WDR7: variants seen among roughly 807,000 people sequenced by gnomAD.
WDR7 encodes the protein WD repeat domain 7.
Under a neutral mutation model 169.4 loss-of-function variants are expected in WDR7, and 46 were observed. The observed-to-expected ratio is 0.27, with a 90% CI of 0.21 to 0.35. The LOEUF (loss-of-function observed/expected upper bound fraction) is 0.35, where lower values mean the gene tolerates loss of function less well. WDR7 is among the 10% of genes least tolerant of loss of function. The pLI, the probability that WDR7 is intolerant of heterozygous loss-of-function variation, is 1.00. For synonymous variants in WDR7, 612 were observed against 666.8 expected, an observed-to-expected ratio of 0.92 and a Z score of 1.27; for missense variants, 1,534 against 1,859.3, an observed-to-expected ratio of 0.83 and a Z score of 3.22.
chr18:56,903,184 G>T (rs1013572451), intron 21 of WDR7, among the ~76,000 whole-genome samples: 1 of 152,008 alleles, frequency 6.6e-6, no homozygotes, highest in Non-Finnish European at 1.5e-5. Context: ...TTGAGGTTTT[G>T]CATCTTTTAT....
intron 13 of WDR7, among the ~76,000 whole-genome samples, chr18:56,723,762 T>C (rs193293628): frequency 4.6e-4 from 70 of 152,242 alleles, no homozygotes; most frequent in Middle Eastern, 6.8e-3. Context: ...CCATAATTTA[T>C]TCAAATATAT....
chr18:56,830,177 AGTTGCGTTGATTTT>A (rs1177914479), intron 20 of WDR7, among the ~76,000 whole-genome samples: 8 of 152,164 alleles, frequency 5.3e-5, no homozygotes, highest in Non-Finnish European at 1.0e-4. Context: ...ACAGTGTTTC[AGTTGCGTTGATTTT>A]GTTGCCCTTC....
chr18:56,725,061 C>T (rs892895366), intron 13 of WDR7, among the ~76,000 whole-genome samples: 6 of 151,214 alleles, frequency 4.0e-5, no homozygotes, highest in African/African-American at 1.5e-4. Context: ...CATTGTTGGA[C>T]ATTTGAGTTG....
At chr18:56,949,869 C>A (rs544968658) in intron 25 of WDR7, among the ~76,000 whole-genome samples, 2 of 152,202 alleles carry the variant, frequency 1.3e-5, no homozygotes, top group African/African-American at 4.8e-5. Flanking sequence ...AGCACATTTG[C>A]TAATATTACT....
intron 26 of WDR7, among the ~76,000 whole-genome samples, chr18:57,010,534 G>C (rs763326232): frequency 1.6e-5 from 2 of 126,576 alleles, no homozygotes; most frequent in Admixed American, 9.2e-5. Context: ...ACATACTGCT[G>C]TCATTTTATT....
intron 9 of WDR7, among the ~76,000 whole-genome samples, chr18:56,692,701 T>C (rs1261735715): frequency 6.6e-6 from 1 of 151,918 alleles, no homozygotes; most frequent in Non-Finnish European, 1.5e-5. Flanking sequence ...GTATAAAAAA[T>C]ATACATAAGC....
At chr18:56,725,181 G>T (rs922162886) in intron 13 of WDR7, among the ~76,000 whole-genome samples, 5 of 150,658 alleles carry the variant, frequency 3.3e-5, no homozygotes, top group Admixed American at 2.6e-4. Context: ...TAATGGGATG[G>T]CTGGGTCAAA....
At chr18:56,883,498 TG>T (rs1599127591) in intron 21 of WDR7, among the ~76,000 whole-genome samples, 1 of 151,724 alleles carries the variant, frequency 6.6e-6, no homozygotes, top group Non-Finnish European at 1.5e-5. Context: ...CTCTCAGTCT[TG>T]TTTTTTTGTT....
chr18:57,032,801 T>TTATTTATA (rs1210749361), downstream of WDR7: 25 of 106,170 alleles, frequency 2.4e-4, no homozygotes, highest in African/African-American at 7.7e-4. Context: ...TATAATTATT[T>TTATTTATA]TATATATATA....
chr18:56,773,366 C>A (rs983640749), intron 16 of WDR7, among the ~76,000 whole-genome samples: 2 of 150,566 alleles, frequency 1.3e-5, no homozygotes, highest in African/African-American at 2.4e-5. Context: ...TCATTCATTA[C>A]TAATGTATTT....
At chr18:56,849,620 G>T (rs1390066267) in intron 20 of WDR7, among the ~76,000 whole-genome samples, 1 of 152,134 alleles carries the variant, frequency 6.6e-6, no homozygotes, top group East Asian at 1.9e-4. Flanking sequence ...TTGATTTGTA[G>T]TCTCTGATGT....
chr18:56,837,452 T>C (rs1000128908), intron 20 of WDR7, among the ~76,000 whole-genome samples: 1 of 152,226 alleles, frequency 6.6e-6, no homozygotes, highest in Non-Finnish European at 1.5e-5. Context: ...TTTGCTATTG[T>C]AAAATTTTAA....
chr18:56,900,371 TGAAGGGAGATGGAGAG>T (rs913890559), intron 21 of WDR7, among the ~76,000 whole-genome samples: 19 of 152,012 alleles, frequency 1.2e-4, no homozygotes, highest in Admixed American at 5.2e-4. Flanking sequence ...CATTCATTCT[TGAAGGGAGATGGAGAG>T]GAAGGGAGGT....
At chr18:56,735,207 G>T (rs1599001876) in intron 14 of WDR7, among the ~76,000 whole-genome samples, 1 of 152,126 alleles carries the variant, frequency 6.6e-6, no homozygotes, top group Non-Finnish European at 1.5e-5. Flanking sequence ...ATGTGGAAAA[G>T]GGGATGGTTA....
chr18:56,805,042 C>T (rs1276425118), intron 19 of WDR7, among the ~76,000 whole-genome samples: 1 of 152,112 alleles, frequency 6.6e-6, no homozygotes, highest in Non-Finnish European at 1.5e-5. Context: ...ACACTGAGGG[C>T]AGACCTTCCC....
chr18:56,809,564 A>T, intron 19 of WDR7, among the ~76,000 whole-genome samples: 1 of 152,072 alleles, frequency 6.6e-6, no homozygotes, highest in Non-Finnish European at 1.5e-5. Flanking sequence ...ATACCCTGAA[A>T]TTTCCATAAA....
intron 1 of WDR7, among the ~76,000 whole-genome samples, chr18:56,657,862 G>A (rs560668602): frequency 6.6e-6 from 1 of 151,748 alleles, no homozygotes; most frequent in South Asian, 2.1e-4. Flanking sequence ...CATTCATGAA[G>A]TATTTACTAT....
At chr18:56,850,399 G>A (rs559741659) in intron 20 of WDR7, among the ~76,000 whole-genome samples, 1 of 152,328 alleles carries the variant, frequency 6.6e-6, no homozygotes, top group South Asian at 2.1e-4. Flanking sequence ...ATATTGGTTA[G>A]ATGATTGAAT....
intron 26 of WDR7, among the ~76,000 whole-genome samples, chr18:57,018,719 G>A (rs1437855497): frequency 6.6e-6 from 1 of 152,220 alleles, no homozygotes; most frequent in Non-Finnish European, 1.5e-5. Context: ...TGAGTTTGCA[G>A]CCTCTAAGTC....
Sources: allele counts gnomAD v4.1 joint callset (sites outside exome capture counted in the v4.1 genomes callset), GRCh38; gene constraint gnomAD v4.1.1; transcripts MANE v1.5; gene names NCBI Gene and HGNC (gene_info 2026-07-23, HGNC 2026-07-21).